The following SIPA1L3 variants were observed in gnomAD, a reference collection of about 807,000 sequenced individuals.
SIPA1L3 encodes signal-induced proliferation-associated 1-like protein 3.
A neutral mutation model predicts 150.1 loss-of-function variants in SIPA1L3; 59 were observed. The observed-to-expected ratio is 0.39, with a 90% CI of 0.32 to 0.49. The LOEUF is 0.49. Ranked by LOEUF, SIPA1L3 falls within the 20% of genes least tolerant of loss-of-function variation. The pLI is 0.86. For synonymous variants in SIPA1L3, 1,070 were observed against 1,077.6 expected (o/e 0.99, Z 0.14); for missense variants, 2,211 against 2,489.5 (o/e 0.89, Z 2.38).
intron 6 of SIPA1L3, among the ~76,000 whole-genome samples, chr19:38,104,912 T>C (rs1487770076): frequency 1.3e-5 from 2 of 152,090 alleles, no homozygotes; most frequent in Non-Finnish European, 2.9e-5. Context: ...AGCATAGTGC[T>C]CCTGGAATGA....
intron 7 of SIPA1L3, chr19:38,109,450 G>A (rs1378077332): frequency 6.6e-6 from 1 of 152,212 alleles, no homozygotes; most frequent in African/African-American, 2.4e-5. Flanking sequence ...AAGATGAATT[G>A]TAGGGTGTGG....
rs1053104721 is a variant in SIPA1L3, at chr19:38,047,801, C to T, written c.-311+18645C>T. On this transcript the variant is annotated intron_variant, in intron 2 of 21. Transcript: ENST00000222345. This position sits in a 1 kb window ranked among gnomAD's most constrained non-coding sequence, Gnocchi z 4.7. Reference sequence around the variant, plus strand: ...CAGCGGCAGTCCAGATCCTGAAGTCCGACCTTTGATTCAGGAACAGAGCAG... The same window carrying T: ...CAGCGGCAGTCCAGATCCTGAAGTCTGACCTTTGATTCAGGAACAGAGCAG... 9.2e-5 allele frequency among the ~76,000 whole-genome samples: 14 copies of T among 152,184 alleles called. No individual in the cohort carries two copies. Among genetic ancestry groups the T allele is most frequent in the Admixed American group, 4.6e-4 (7 of 15,278 alleles).
chr19:38,079,766 G>A (rs938695239), intron 2 of SIPA1L3, among the ~76,000 whole-genome samples: 2 of 152,158 alleles, frequency 1.3e-5, no homozygotes, highest in African/African-American at 2.4e-5. Context: ...ATGTTGGCCA[G>A]GCTGGTCTTG....
intron 15 of SIPA1L3, among the ~76,000 whole-genome samples, chr19:38,166,949 A>AG (rs1972224105): frequency 1.3e-5 from 2 of 151,644 alleles, no homozygotes; most frequent in Admixed American, 6.6e-5. Context: ...AAAAAAAAAA[A>AG]GGTGGCTTTG....
At chr19:38,205,177 G>C (rs1251685957) in intron 21 of SIPA1L3, among the ~76,000 whole-genome samples, 1 of 152,080 alleles carries the variant, frequency 6.6e-6, no homozygotes, top group Non-Finnish European at 1.5e-5. Context: ...GGAAGGATGA[G>C]GAGGAGACTG....
At chr19:38,134,559 T>G (rs1464886321) in intron 10 of SIPA1L3, among the ~76,000 whole-genome samples, 1 of 150,842 alleles carries the variant, frequency 6.6e-6, no homozygotes, top group Non-Finnish European at 1.5e-5. Context: ...ATACAAAAAT[T>G]AGCCGGGCAT....
chr19:38,134,462 A>T (rs1351804481), intron 10 of SIPA1L3, among the ~76,000 whole-genome samples: 18 of 143,570 alleles, frequency 1.3e-4, no homozygotes, highest in Admixed American at 1.1e-3. Context: ...TAATCCCAGC[A>T]CTTTCGGAGG....
chr19:37,927,432 G>C (rs1422571717), intron 1 of SIPA1L3, among the ~76,000 whole-genome samples: 2 of 152,120 alleles, frequency 1.3e-5, no homozygotes, highest in East Asian at 3.8e-4. Flanking sequence ...GATTACAGGC[G>C]TGAGCCACTG....
At chr19:38,118,271 C>A (rs1363626891) in intron 8 of SIPA1L3, among the ~76,000 whole-genome samples, 1 of 151,898 alleles carries the variant, frequency 6.6e-6, no homozygotes, top group African/African-American at 2.4e-5. Context: ...ACAAAAAATA[C>A]AAAATTACCC....
intron 1 of SIPA1L3, among the ~76,000 whole-genome samples, chr19:38,022,842 G>A (rs1424091432): frequency 6.6e-6 from 1 of 152,224 alleles, no homozygotes; most frequent in Non-Finnish European, 1.5e-5. Context: ...GGGTCTGGGG[G>A]CTCAGCAGGG....
intron 1 of SIPA1L3, among the ~76,000 whole-genome samples, chr19:37,995,339 A>G (rs1967611304): frequency 6.6e-6 from 1 of 152,138 alleles, no homozygotes; most frequent in African/African-American, 2.4e-5. Flanking sequence ...GAGAGAAATC[A>G]AGGATCAGAG....
intron 17 of SIPA1L3, among the ~76,000 whole-genome samples, chr19:38,192,642 C>T (rs1283247060): frequency 6.6e-6 from 1 of 152,164 alleles, no homozygotes. Flanking sequence ...ACCACAGGGA[C>T]TGAGAGTGGA....
At chr19:38,198,632 G>A (rs566044323) in intron 19 of SIPA1L3, 100 bp downstream of exon 19, 6 of 1,197,790 alleles carry the variant, frequency 5.0e-6, no homozygotes, top group Non-Finnish European at 6.5e-6. Flanking sequence ...ACCCACTCAG[G>A]TTCCAGAATC....
intron 1 of SIPA1L3, among the ~76,000 whole-genome samples, chr19:37,962,969 T>TCTTTG (rs140825827): frequency 0.19 from 29,532 of 151,924 alleles, 2,875 homozygotes; most frequent in Middle Eastern, 0.29. Context: ...TAGACTCTTT[T>TCTTTG]CTCTTTTAAA....
intron 1 of SIPA1L3, among the ~76,000 whole-genome samples, chr19:37,908,638 T>C (rs1349228192): frequency 1.3e-5 from 2 of 152,156 alleles, no homozygotes; most frequent in Admixed American, 1.3e-4. Context: ...AATAGGCCCT[T>C]TTTGCTTCTG....
At chr19:37,931,251 C>T (rs1405742489) in intron 1 of SIPA1L3, among the ~76,000 whole-genome samples, 1 of 152,162 alleles carries the variant, frequency 6.6e-6, no homozygotes, top group Non-Finnish European at 1.5e-5. Context: ...GTGGCTCATG[C>T]CTGTAATCCC....
At chr19:38,128,664 A>AGGCG (rs1330526586) in intron 9 of SIPA1L3, among the ~76,000 whole-genome samples, 28 of 152,186 alleles carry the variant, frequency 1.8e-4, no homozygotes, top group Non-Finnish European at 3.5e-4. Context: ...TGGGAGGCCG[A>AGGCG]GACAGGTGAA....
intron 1 of SIPA1L3, among the ~76,000 whole-genome samples, chr19:38,010,266 G>C (rs1280712551): frequency 1.3e-5 from 2 of 151,994 alleles, no homozygotes; most frequent in South Asian, 4.2e-4. Context: ...AAATGAGCTG[G>C]GCATGTTGGC....
chr19:38,057,953 T>C lies in SIPA1L3; in HGVS notation c.-310-23303T>C, dbSNP rs992209278. On this transcript the variant is annotated intron_variant, in intron 2 of 21. Transcript: ENST00000222345. ...CCGGGATTACAGGCCTGAGCCACCA[T>C]GCCCGGCCTGAGAACACTTTTTAAA... Among the ~76,000 whole-genome samples the C allele has an allele frequency of 3.3e-5, 5 of 152,132 alleles. No individual in the cohort carries two copies. The East Asian group carries it at 9.6e-4, about 29-fold the overall frequency.
Sources: gnomAD v4.1 joint callset for allele counts (sites outside exome capture counted in the v4.1 genomes callset) on GRCh38, gnomAD v4.1.1 for gene constraint, Gnocchi (gnomAD v3.1) non-coding constraint, MANE v1.5 for transcripts, NCBI Gene and HGNC (gene_info 2026-07-23, HGNC 2026-07-21) for gene names.